The following MECR variants were observed in gnomAD, a reference collection of about 807,000 sequenced individuals.
MECR encodes the protein enoyl-[acyl-carrier-protein] reductase, mitochondrial.
In MECR, 37 loss-of-function variants were observed where a neutral mutation model predicts 49.1. That is an observed-to-expected ratio of 0.75 (90% confidence interval 0.58 to 0.99). The LOEUF is 0.99. Ranked by LOEUF, MECR falls within the 50% of genes least tolerant of loss-of-function variation. MECR has a pLI of 0.00. For missense variants in MECR, 470 were observed against 479.6 expected, an observed-to-expected ratio of 0.98 and a Z score of 0.19; for synonymous variants, 198 against 191.1, an observed-to-expected ratio of 1.04 and a Z score of -0.30.
intron 3 of MECR, among the ~76,000 whole-genome samples, chr1:29,211,805 A>G (rs1678084957): frequency 1.3e-5 from 2 of 152,236 alleles, no homozygotes; most frequent in Admixed American, 6.5e-5. Flanking sequence ...GCAAAGATCT[A>G]TCCACACCAT....
At chr1:29,228,501 A>C (rs1348373723) in intron 1 of MECR, among the ~76,000 whole-genome samples, 1 of 151,690 alleles carries the variant, frequency 6.6e-6, no homozygotes, top group Non-Finnish European at 1.5e-5. Flanking sequence ...ACAGGCTTGC[A>C]CCCCCATGCC....
chr1:29,193,480 C>A lies in MECR; in HGVS notation c.*542G>T, dbSNP rs909098343. The stretch of plus-strand genomic sequence containing the variant: ...CAGTTCCATGAGAGTGAAGACCCCA[C>A]GTCCAAGTTCCTCAGGGCCCTGATG... On this transcript the variant is annotated 3_prime_UTR_variant, in exon 10 of 10. Coordinates refer to ENST00000263702, the MANE Select transcript of MECR (RefSeq NM_016011.5). 4.4e-5 allele frequency: 7 copies of A among 157,330 alleles called. No homozygotes were observed. Among genetic ancestry groups the A allele is most frequent in the Non-Finnish European group, 9.8e-5 (7 of 71,372 alleles). 9.7% of individuals were successfully genotyped at this position (157,330 alleles called of 1,614,324 possible).
chr1:29,174,238 C>A, the MECR span, among the ~76,000 whole-genome samples: 4 of 150,634 alleles, frequency 2.7e-5, no homozygotes, highest in African/African-American at 9.8e-5. Flanking sequence ...AGCTCTTAAA[C>A]ACCGCAGGTG....
At chr1:29,211,068 C>T (rs1380634563) in intron 3 of MECR, among the ~76,000 whole-genome samples, 1 of 148,050 alleles carries the variant, frequency 6.8e-6, no homozygotes, top group Non-Finnish European at 1.5e-5. Flanking sequence ...TGCCTCACCA[C>T]TTGTTTTTGT....
the MECR span, among the ~76,000 whole-genome samples, chr1:29,184,536 C>T: frequency 6.6e-6 from 1 of 151,752 alleles, no homozygotes; most frequent in Non-Finnish European, 1.5e-5. Flanking sequence ...GGAGGATCAT[C>T]TGAGGTTAGG....
At chr1:29,181,856 G>T in the MECR span, 2 of 974,412 alleles carry the variant, frequency 2.1e-6, no homozygotes, top group South Asian at 2.4e-5. Context: ...ACGGGCGGGC[G>T]GCGGGACGGA....
In MECR at chr1:29,230,811, G is replaced by A. The variant is rs1356026567; in HGVS notation, c.96C>T (p.Ser32=). The change falls in exon 1 of 10, where the codon TCC becomes TCT. Residue 32 remains serine (S), a synonymous_variant. Transcript: ENST00000263702. ...CAGGCTCGGCGGATGCGGAGTAGGA[G>A]GAGGCGGCAGGTCCGTGACAGCCAG... The part of the protein sequence containing the change: ...PASGCHGPAA[S]SYSASAEPAR... 23 of 1,608,048 alleles carry A rather than the reference G, an allele frequency of 1.4e-5. No homozygotes were observed. Among genetic ancestry groups the A allele is most frequent in the Non-Finnish European group, 8.5e-7 (1 of 1,178,324 alleles).
chr1:29,199,232 T>C (rs1674735676), intron 7 of MECR, among the ~76,000 whole-genome samples: 1 of 152,152 alleles, frequency 6.6e-6, no homozygotes. Flanking sequence ...AAGAAGCTTT[T>C]ATTTTTATTT....
At chr1:29,188,187 T>G (rs1673065901), downstream of MECR, among the ~76,000 whole-genome samples, 1 of 151,298 alleles carries the variant, frequency 6.6e-6, no homozygotes, top group Non-Finnish European at 1.5e-5. Flanking sequence ...TGGGAAGGAT[T>G]TGGAGTTTAC....
Position 29,196,000 on chromosome 1 carries a change from A to G in MECR, c.905T>C (p.Phe302Ser), listed in dbSNP as rs1673876238. 2 of 1,614,148 alleles carry G rather than the reference A, an allele frequency of 1.2e-6. No homozygotes were observed. The highest frequency in any genetic ancestry group is 1.7e-5 in the Admixed American group (1 of 60,012). The change falls in exon 9 of 10, where the codon TTT becomes TCT. Residue 302 changes from phenylalanine to serine, a missense_variant. Phe to Ser is a radical substitution (Grantham distance 155, BLOSUM62 -2). Transcript: ENST00000263702. ...PVVASVSLLI[F>S]KDLKLRGFWL... ...AAAGCCTCGAAGTTTGAGATCCTTA[A>G]AAATGAGCAGGCTCTGCAGACACAG...
At chr1:29,218,845 T>C (rs572008919) in intron 1 of MECR, among the ~76,000 whole-genome samples, 2 of 152,338 alleles carry the variant, frequency 1.3e-5, no homozygotes, top group South Asian at 4.1e-4. Flanking sequence ...ATTCAGTGCT[T>C]ACCAGTCAGG....
chr1:29,219,833 G>A (rs1223422517), intron 1 of MECR, among the ~76,000 whole-genome samples: 1 of 152,178 alleles, frequency 6.6e-6, no homozygotes, highest in Non-Finnish European at 1.5e-5. Flanking sequence ...CTTCAAATGA[G>A]TTATAGAAAA....
intron 1 of MECR, among the ~76,000 whole-genome samples, chr1:29,227,147 A>AGAGACAGGGTTTCG (rs1491109954): frequency 2.0e-5 from 3 of 152,100 alleles, no homozygotes; most frequent in Non-Finnish European, 2.9e-5. Context: ...TATTTTTAGT[A>AGAGACAGGGTTTCG]GAGACAGGGT....
the MECR span, among the ~76,000 whole-genome samples, chr1:29,181,144 G>A: frequency 3.3e-5 from 5 of 152,318 alleles, no homozygotes; most frequent in South Asian, 1.0e-3. Flanking sequence ...CGTGGCACAC[G>A]GCTAAAAAGG....
chr1:29,221,212 GAA>G (rs886305102), intron 1 of MECR: 2 of 144,964 alleles, frequency 1.4e-5, no homozygotes, highest in Admixed American at 6.9e-5. Flanking sequence ...TGTCTCAGGG[GAA>G]AAAAAAAAAA....
chr1:29,211,850 G>A (rs1033309656), intron 3 of MECR, among the ~76,000 whole-genome samples: 2 of 152,162 alleles, frequency 1.3e-5, no homozygotes, highest in African/African-American at 4.8e-5. Flanking sequence ...GCTGCACGTG[G>A]GAAAAGGCTG....
chr1:29,181,815 C>G, the MECR span: 104,390 of 1,402,130 alleles, frequency 0.074, 4,613 homozygotes, highest in African/African-American at 0.2. Flanking sequence ...GCGGGCAAAG[C>G]GAGAGCACGG....
intron 4 of MECR, among the ~76,000 whole-genome samples, chr1:29,204,221 A>G (rs1274097822): frequency 6.8e-6 from 1 of 146,428 alleles, no homozygotes; most frequent in Non-Finnish European, 1.5e-5. Flanking sequence ...TCCCTCTATT[A>G]AAAAAAAAAA....
At chr1:29,215,432 G>T (rs1455480336) in intron 3 of MECR, among the ~76,000 whole-genome samples, 1 of 152,034 alleles carries the variant, frequency 6.6e-6, no homozygotes, top group Non-Finnish European at 1.5e-5. Flanking sequence ...ACAAAAATTT[G>T]TCGGGCGTGA....
Sources: allele counts gnomAD v4.1 joint callset (sites outside exome capture counted in the v4.1 genomes callset), GRCh38; gene constraint gnomAD v4.1.1; transcripts MANE v1.5; gene names NCBI Gene and HGNC (gene_info 2026-07-23, HGNC 2026-07-21).